Variants in KIRREL3 observed in about 807,000 individuals in gnomAD.
The protein encoded by KIRREL3 is kirre like nephrin family adhesion molecule 3.
KIRREL3 carries 36 observed loss-of-function variants against 89.7 expected under a neutral mutation model. The ratio of observed to expected loss-of-function variants is 0.40; its 90% CI spans 0.31 to 0.53. The LOEUF is 0.53. Among genes scored for constraint, KIRREL3 ranks in the 20% least tolerant of loss-of-function variants. KIRREL3 has a pLI of 0.49. For missense variants in KIRREL3, 864 were observed against 1,056.6 expected (o/e 0.82, Z 2.53); for synonymous variants, 445 against 441.4 (o/e 1.01, Z -0.10).
In KIRREL3 at chr11:126,718,829, T is replaced by C. The variant is rs1220924389; in HGVS notation, c.56-155917A>G. On this transcript the variant is annotated intron_variant, in intron 1 of 16. Transcript: ENST00000525144. ...CACACCACCCCGGCCAGGAGCCCCA[T>C]TGATACGATACAGGGGGCCTCACTG... 3.3e-5 allele frequency among the ~76,000 whole-genome samples: 5 copies of C among 152,232 alleles called. No homozygotes were observed. The East Asian group carries it at 5.8e-4, about 18-fold the overall frequency.
rs1275325138 is a variant in KIRREL3, at chr11:126,527,318, C to T, written c.134-631G>A. ...CCTTTCTTTTCTGCAGCAGACCTTA[C>T]TCCAGCCTCACAATCACTTGGGAAA... is the stretch of plus-strand genomic sequence containing the variant. On this transcript the variant is annotated intron_variant, in intron 2 of 16. Transcript: ENST00000525144. The surrounding 1 kb of genome is among the most constrained non-coding windows in gnomAD (Gnocchi z 4.2). 1.3e-5 allele frequency among the ~76,000 whole-genome samples: 2 copies of T among 152,110 alleles called. No individual in the cohort carries two copies. Among genetic ancestry groups the T allele is most frequent in the Non-Finnish European group, 2.9e-5 (2 of 68,026 alleles).
chr11:126,998,334 C>T (rs191248261), intron 1 of KIRREL3, among the ~76,000 whole-genome samples: 11 of 152,190 alleles, frequency 7.2e-5, no homozygotes, highest in South Asian at 2.1e-4. Context: ...TTCCCATAGT[C>T]GGACACTGTC....
intron 1 of KIRREL3, among the ~76,000 whole-genome samples, chr11:126,790,116 C>T (rs1950593058): frequency 6.6e-6 from 1 of 152,218 alleles, no homozygotes; most frequent in African/African-American, 2.4e-5. Flanking sequence ...GAGTGTCATC[C>T]CTAACTCCCC....
chr11:126,861,883 G>A (rs1378301149), intron 1 of KIRREL3, among the ~76,000 whole-genome samples: 1 of 152,238 alleles, frequency 6.6e-6, no homozygotes, highest in Non-Finnish European at 1.5e-5. Flanking sequence ...ACTGTACCGT[G>A]TGATACAAAA....
Position 126,571,918 on chromosome 11 carries a change from C to T in KIRREL3, c.56-9006G>A, listed in dbSNP as rs1235842630. ...GAACAGAGAAATAGGATCATGAAGG[C>T]CATTCCTGTCCTCCAGTCTGTCTTC... On this transcript the variant is annotated intron_variant, in intron 1 of 16. Coordinates refer to ENST00000525144, the MANE Select transcript of KIRREL3 (RefSeq NM_032531.4). The surrounding 1 kb of genome is among the most constrained non-coding windows in gnomAD (Gnocchi z 7.7). Among the ~76,000 whole-genome samples the T allele has an allele frequency of 2.0e-5, 3 of 152,220 alleles. No individual in the cohort carries two copies. Among genetic ancestry groups the T allele is most frequent in the Admixed American group, 6.5e-5 (1 of 15,284 alleles).
rs2134746967 is a variant in KIRREL3 at position 126,601,085 on chromosome 11, G to A, written c.56-38173C>T. ...AAACCCTTTGTCCCCCGTCCTCCCAGCCCCCCGATGTTCCAGGAAGCCAAA... is the reference window on the plus strand; with the variant it reads ...AAACCCTTTGTCCCCCGTCCTCCCAACCCCCCGATGTTCCAGGAAGCCAAA... On this transcript the variant is annotated intron_variant, in intron 1 of 16. Coordinates refer to ENST00000525144, the MANE Select transcript of KIRREL3 (RefSeq NM_032531.4). The surrounding 1 kb of genome is among the most constrained non-coding windows in gnomAD (Gnocchi z 5.8). Among the ~76,000 whole-genome samples the A allele has an allele frequency of 6.6e-6, 1 of 151,026 alleles. No individual in the cohort carries two copies.
At chr11:126,915,822 C>T (rs543495951) in intron 1 of KIRREL3, among the ~76,000 whole-genome samples, 1 of 152,286 alleles carries the variant, frequency 6.6e-6, no homozygotes, top group Admixed American at 6.5e-5. Flanking sequence ...GAGCATTTCA[C>T]ATTCTCTTAT....
intron 1 of KIRREL3, among the ~76,000 whole-genome samples, chr11:126,701,524 T>C (rs911811752): frequency 2.0e-5 from 3 of 152,168 alleles, no homozygotes; most frequent in African/African-American, 7.2e-5. Flanking sequence ...CGAGTCATCA[T>C]GAAACTGAAG....
At chr11:126,618,697 A>T (rs1943456940) in intron 1 of KIRREL3, among the ~76,000 whole-genome samples, 1 of 152,192 alleles carries the variant, frequency 6.6e-6, no homozygotes, top group African/African-American at 2.4e-5. Context: ...GGCCTCCCAA[A>T]GCGCTGGGAT....
chr11:126,950,878 C>T (rs1790339503), intron 1 of KIRREL3, among the ~76,000 whole-genome samples: 1 of 152,116 alleles, frequency 6.6e-6, no homozygotes, highest in African/African-American at 2.4e-5. Context: ...ATTAATCCTC[C>T]CAAATAAAGG....
intron 1 of KIRREL3, among the ~76,000 whole-genome samples, chr11:126,984,371 C>T (rs900807335): frequency 4.6e-5 from 7 of 152,200 alleles, no homozygotes; most frequent in African/African-American, 1.7e-4. Context: ...GTGTCACATG[C>T]TTGGAGGATG....
rs956433573 is a variant in KIRREL3, at chr11:126,903,365, C to T, written c.55+97090G>A. Among the ~76,000 whole-genome samples the T allele has an allele frequency of 2.0e-5, 3 of 152,052 alleles. No homozygotes were observed. The highest frequency in any genetic ancestry group is 7.2e-5 in the African/African-American group (3 of 41,382). ...TAGTTGCACAATTATTAAAAAGAGG[C>T]CACTTAAATTCAACTCTCCATGGAT... On this transcript the variant is annotated intron_variant, in intron 1 of 16. Coordinates refer to ENST00000525144, the MANE Select transcript of KIRREL3 (RefSeq NM_032531.4). This position sits in a 1 kb window ranked among gnomAD's most constrained non-coding sequence, Gnocchi z 4.5.
rs536328641 is a variant in KIRREL3 at position 126,587,395 on chromosome 11, G to A, written c.56-24483C>T. ...TGTGAGGCATGAGGCAGAGAGGTAA[G>A]CCAGGAGTAGTTTGCAGACCCCTGG... On this transcript the variant is annotated intron_variant, in intron 1 of 16. Transcript: ENST00000525144. The surrounding 1 kb of genome is among the most constrained non-coding windows in gnomAD (Gnocchi z 5.2). 6.6e-6 allele frequency among the ~76,000 whole-genome samples: 1 copy of A among 152,294 alleles called. No individual in the cohort carries two copies. The highest frequency in any genetic ancestry group is 2.4e-5 in the African/African-American group (1 of 41,562).
rs1305509930 is a variant in KIRREL3, at chr11:126,491,372, C to T, written c.434-17906G>A. Among the ~76,000 whole-genome samples the T allele has an allele frequency of 6.6e-6, 1 of 152,198 alleles. No individual in the cohort carries two copies. Among genetic ancestry groups the T allele is most frequent in the African/African-American group, 2.4e-5 (1 of 41,448 alleles). ...ATTGTGTGATGGGTGGGGACACTTGCTCTCAGGGGGAAAGAAAGCGCCCTC... is the reference window on the plus strand; with the variant it reads ...ATTGTGTGATGGGTGGGGACACTTGTTCTCAGGGGGAAAGAAAGCGCCCTC... On this transcript the variant is annotated intron_variant, in intron 4 of 16. Transcript: ENST00000525144. This position sits in a 1 kb window ranked among gnomAD's most constrained non-coding sequence, Gnocchi z 5.5.
chr11:126,949,048 G>T (rs574945885), intron 1 of KIRREL3, among the ~76,000 whole-genome samples: 5 of 152,258 alleles, frequency 3.3e-5, no homozygotes, highest in Non-Finnish European at 5.9e-5. Flanking sequence ...TCTACAACAT[G>T]ATTTTTAATT....
Position 126,766,249 on chromosome 11 carries a change from G to A in KIRREL3, c.56-203337C>T, listed in dbSNP as rs1235270066. Among the ~76,000 whole-genome samples, 1 of 151,856 alleles carries A rather than the reference G, an allele frequency of 6.6e-6. No individual in the cohort carries two copies. The highest frequency in any genetic ancestry group is 1.9e-4 in the East Asian group (1 of 5,162). The stretch of plus-strand genomic sequence containing the variant: ...CCTCAGTTGGCTGAGAACAGTAGGA[G>A]CCCATAACAGACAGCATGTCATCCA... On this transcript the variant is annotated intron_variant, in intron 1 of 16. Transcript: ENST00000525144. The surrounding 1 kb of genome is among the most constrained non-coding windows in gnomAD (Gnocchi z 4.2).
At chr11:126,818,615 AGTAGTAGTAGTGTGTGT>A (rs1234501771) in intron 1 of KIRREL3, among the ~76,000 whole-genome samples, 7 of 128,024 alleles carry the variant, frequency 5.5e-5, no homozygotes, top group Admixed American at 1.6e-4. Context: ...TAGTAGTAGT[AGTAGTAGTAGTGTGTGT>A]GTGTGTGTGT....
intron 1 of KIRREL3, among the ~76,000 whole-genome samples, chr11:126,746,065 CT>C (rs1282783870): frequency 2.0e-5 from 3 of 152,178 alleles, no homozygotes; most frequent in Non-Finnish European, 4.4e-5. Flanking sequence ...ACTCCATCTG[CT>C]TTTTGTTAGG....
Position 126,705,034 on chromosome 11 carries a change from C to T in KIRREL3, c.56-142122G>A, listed in dbSNP as rs1385939394. Among the ~76,000 whole-genome samples the T allele has an allele frequency of 5.9e-5, 9 of 152,166 alleles. No individual in the cohort carries two copies. The highest frequency in any genetic ancestry group is 6.5e-5 in the Admixed American group (1 of 15,274). On this transcript the variant is annotated intron_variant, in intron 1 of 16. Transcript: ENST00000525144. The surrounding 1 kb of genome is among the most constrained non-coding windows in gnomAD (Gnocchi z 4.3). ...GTATTTGTGGGTGGTAAATTTATAT[C>T]TTACCCACTGAATATAGCTTTTTAT...
Sources: gnomAD v4.1 joint callset for allele counts (sites outside exome capture counted in the v4.1 genomes callset) on GRCh38, gnomAD v4.1.1 for gene constraint, Gnocchi (gnomAD v3.1) non-coding constraint, MANE v1.5 for transcripts, NCBI Gene and HGNC (gene_info 2026-07-23, HGNC 2026-07-21) for gene names.